The following SLC30A8 variants were observed in gnomAD, a reference collection of about 807,000 sequenced individuals.
The protein encoded by SLC30A8 is proton-coupled zinc antiporter SLC30A8.
A neutral mutation model predicts 36.9 loss-of-function variants in SLC30A8; 27 were observed. That is an observed-to-expected ratio of 0.73 (90% CI 0.54 to 1.01). The LOEUF is 1.01. Among genes scored for constraint, SLC30A8 ranks in the 50% least tolerant of loss-of-function variants. The pLI, the probability that SLC30A8 is intolerant of heterozygous loss-of-function variation, is 0.00. For missense variants in SLC30A8, 439 were observed against 452.0 expected, an observed-to-expected ratio of 0.97 and a Z score of 0.26; for synonymous variants, 164 against 172.4, an observed-to-expected ratio of 0.95 and a Z score of 0.38.
chr8:117,026,227 C>T (rs1406910871), intron 1 of SLC30A8, among the ~76,000 whole-genome samples: 4 of 152,104 alleles, frequency 2.6e-5, no homozygotes, highest in Admixed American at 1.3e-4. Flanking sequence ...ATTTTTGAAA[C>T]GTAGTTCTAA....
intron 1 of SLC30A8, among the ~76,000 whole-genome samples, chr8:117,136,161 C>G (rs1156744907): frequency 6.6e-6 from 1 of 151,892 alleles, no homozygotes; most frequent in Non-Finnish European, 1.5e-5. Context: ...GAAGCTTTCT[C>G]AGAAGTAATA....
chr8:116,959,618 C>T (rs1473105497), intron 1 of SLC30A8, among the ~76,000 whole-genome samples: 2 of 152,006 alleles, frequency 1.3e-5, no homozygotes, highest in South Asian at 2.1e-4. Context: ...ACCATTTGAT[C>T]CTTTCAGTTT....
At chr8:117,146,908 G>A in intron 1 of SLC30A8, 46 bp from the exon 2 acceptor site, 1 of 1,597,146 alleles carries the variant, frequency 6.3e-7, no homozygotes, top group South Asian at 1.1e-5. Flanking sequence ...TGAGTGGCTT[G>A]TTTGCAACTA....
At chr8:116,990,686 T>C (rs1281682392) in intron 1 of SLC30A8, among the ~76,000 whole-genome samples, 1 of 152,118 alleles carries the variant, frequency 6.6e-6, no homozygotes, top group Non-Finnish European at 1.5e-5. Context: ...TGAAATCAAA[T>C]AAAGTCTGAA....
chr8:117,000,319 T>C (rs1237746133), intron 1 of SLC30A8, among the ~76,000 whole-genome samples: 1 of 152,162 alleles, frequency 6.6e-6, no homozygotes, highest in African/African-American at 2.4e-5. Context: ...ATTTAAATCT[T>C]GTGTGAAGAT....
chr8:116,992,675 A>G (rs1437667624), intron 1 of SLC30A8, among the ~76,000 whole-genome samples: 2 of 150,600 alleles, frequency 1.3e-5, no homozygotes, highest in African/African-American at 5.0e-5. Context: ...TATTGAGAAA[A>G]AAGTTCAGAA....
chr8:117,050,571 A>G (rs1817677124), intron 2 of SLC30A8, among the ~76,000 whole-genome samples: 1 of 151,892 alleles, frequency 6.6e-6, no homozygotes, highest in South Asian at 2.1e-4. Context: ...GCGCTTGGCT[A>G]ATTTTTGTAT....
At chr8:116,955,903 A>T (rs1814182694) in intron 1 of SLC30A8, among the ~76,000 whole-genome samples, 1 of 151,968 alleles carries the variant, frequency 6.6e-6, no homozygotes, top group Non-Finnish European at 1.5e-5. Context: ...GAGAGAAAAA[A>T]TTTCTCTCGT....
chr8:117,142,726 C>G (rs916665197), intron 1 of SLC30A8, among the ~76,000 whole-genome samples: 1 of 151,868 alleles, frequency 6.6e-6, no homozygotes, highest in Admixed American at 6.6e-5. Flanking sequence ...ACAGCGGTGC[C>G]TTTCCTTCCC....
chr8:117,131,063 G>C (rs1821119271), upstream of SLC30A8, among the ~76,000 whole-genome samples: 1 of 151,594 alleles, frequency 6.6e-6, no homozygotes, highest in Non-Finnish European at 1.5e-5. Context: ...CATTCCTATA[G>C]CTCAATCGCT....
chr8:117,002,941 A>G (rs1816060318), intron 1 of SLC30A8, among the ~76,000 whole-genome samples: 2 of 152,146 alleles, frequency 1.3e-5, no homozygotes, highest in African/African-American at 4.8e-5. Flanking sequence ...TTCGTTGTGA[A>G]TTTCAATATT....
chr8:117,048,047 G>A (rs1216041262), intron 2 of SLC30A8, among the ~76,000 whole-genome samples: 2 of 152,214 alleles, frequency 1.3e-5, no homozygotes, highest in Admixed American at 1.3e-4. Context: ...TGGGCAACCA[G>A]CAGCTCTTGG....
At chr8:117,151,146 C>T (rs1418300023) in intron 2 of SLC30A8, among the ~76,000 whole-genome samples, 1 of 152,110 alleles carries the variant, frequency 6.6e-6, no homozygotes, top group Non-Finnish European at 1.5e-5. Flanking sequence ...GCTTTTATCT[C>T]TTCCTGAAAA....
Position 117,163,556 on chromosome 8 carries a change from C to T in SLC30A8, c.829+26C>T, listed in dbSNP as rs762175158. On this transcript the variant is annotated intron_variant, in intron 6 of 7. Coordinates refer to ENST00000456015, the MANE Select transcript of SLC30A8 (RefSeq NM_173851.3). ...GTAGGAGTGATTTTATTATTACTCCCAGAGTCAGTGTTTTCTCTTCCCTAG... is the reference window on the plus strand; with the variant it reads ...GTAGGAGTGATTTTATTATTACTCCTAGAGTCAGTGTTTTCTCTTCCCTAG... 3 of 1,513,174 alleles carry T rather than the reference C, an allele frequency of 2.0e-6. No homozygotes were observed. The South Asian group carries it at 3.5e-5, about 17-fold the overall frequency. The allele number at this position is 1,513,174 out of a possible 1,614,324, so 93.7% of individuals were successfully genotyped here. A position where few individuals can be genotyped will look rare whatever the true frequency, so the allele number is the denominator to read the frequency against.
chr8:117,093,358 T>C (rs1210452294), intron 2 of SLC30A8, among the ~76,000 whole-genome samples: 1 of 151,030 alleles, frequency 6.6e-6, no homozygotes, highest in Non-Finnish European at 1.5e-5. Flanking sequence ...CTCATTCTTA[T>C]TAAGTCTTAT....
chr8:117,120,277 C>T lies in SLC30A8; in HGVS notation c.-225-15003C>T, dbSNP rs557971632. Among the ~76,000 whole-genome samples, 8 of 151,836 alleles carry T rather than the reference C, an allele frequency of 5.3e-5. No homozygotes were observed. The South Asian group carries it at 6.2e-4, about 12-fold the overall frequency. ...CTTACATAAAGACAGATATACAGAC[C>T]GATGGAACAGAATAGAGATCCCAGA... On this transcript the variant is annotated intron_variant, in intron 2 of 10. Transcript: ENST00000427715.
intron 5 of SLC30A8, 150 bp from the exon 6 acceptor site, chr8:117,163,275 G>A (rs1822885863): frequency 3.7e-6 from 2 of 545,858 alleles, no homozygotes; most frequent in Non-Finnish European, 6.3e-6. Context: ...CAAAAACAAA[G>A]TCTTCCCTCT....
chr8:117,033,077 C>T (rs1312083190), intron 1 of SLC30A8, among the ~76,000 whole-genome samples: 2 of 152,048 alleles, frequency 1.3e-5, no homozygotes, highest in East Asian at 1.9e-4. Flanking sequence ...GTAATTTGGT[C>T]CAGACTCTGT....
intron 2 of SLC30A8, among the ~76,000 whole-genome samples, chr8:117,060,850 C>A (rs1227885535): frequency 6.6e-6 from 1 of 152,102 alleles, no homozygotes; most frequent in African/African-American, 2.4e-5. Flanking sequence ...CCTCTCATCA[C>A]TTTGTTTATT....
Sources: allele counts gnomAD v4.1 joint callset (sites outside exome capture counted in the v4.1 genomes callset), GRCh38; gene constraint gnomAD v4.1.1; transcripts MANE v1.5; gene names NCBI Gene and HGNC (gene_info 2026-07-23, HGNC 2026-07-21).